Variants in C13orf46 observed in about 807,000 individuals in gnomAD.
C13orf46 encodes the protein chromosome 13 open reading frame 46, also known as uncharacterized protein C13orf46.
chr13:113,958,774 C>A (rs1250997415), intron 6 of C13orf46, among the ~76,000 whole-genome samples: 2 of 152,184 alleles, frequency 1.3e-5, no homozygotes, highest in Non-Finnish European at 2.9e-5. Context: ...AGCGGACTGC[C>A]CAGGGACACT....
chr13:113,935,147 G>GGCCAGTGGCGAGAGGGCCTGGGCTGGCC, the C13orf46 span, among the ~76,000 whole-genome samples: 5 of 152,232 alleles, frequency 3.3e-5, no homozygotes, highest in Admixed American at 3.3e-4. Context: ...ACAGTTTCCT[G>GGCCAGTGGCGAGAGGGCCTGGGCTGGCC]GCCAGTGGCG....
chr13:113,929,478 G>A, the C13orf46 span, among the ~76,000 whole-genome samples: 1 of 152,244 alleles, frequency 6.6e-6, no homozygotes, highest in African/African-American at 2.4e-5. Context: ...GTCATTGCCT[G>A]TTGCTTCTCC....
At chr13:113,936,305 G>A in the C13orf46 span, among the ~76,000 whole-genome samples, 1 of 152,232 alleles carries the variant, frequency 6.6e-6, no homozygotes, top group South Asian at 2.1e-4. Context: ...GCTCTGGGAA[G>A]GGGCCGTCCT....
the C13orf46 span, among the ~76,000 whole-genome samples, chr13:113,939,141 C>T: frequency 7.6e-4 from 110 of 144,652 alleles, no homozygotes; most frequent in African/African-American, 2.7e-3. Flanking sequence ...AGCTCAGGGT[C>T]AGGGACAACA....
chr13:113,963,102 G>A (rs2138984048), intron 6 of C13orf46, among the ~76,000 whole-genome samples: 1 of 152,342 alleles, frequency 6.6e-6, no homozygotes, highest in East Asian at 1.9e-4. Flanking sequence ...GCCGAGGGCT[G>A]CAGCTCTCAA....
downstream of C13orf46, among the ~76,000 whole-genome samples, chr13:113,953,234 C>T (rs2052496504): frequency 6.6e-6 from 1 of 152,204 alleles, no homozygotes. Context: ...GGGCCCAAGC[C>T]AGGTGGCCAC....
At chr13:113,972,664 C>G (rs1566426104) in intron 1 of C13orf46, among the ~76,000 whole-genome samples, 1 of 152,204 alleles carries the variant, frequency 6.6e-6, no homozygotes, top group African/African-American at 2.4e-5. Flanking sequence ...TGGACCGACA[C>G]AGGGGCAGCC....
chr13:113,932,752 C>G, the C13orf46 span, among the ~76,000 whole-genome samples: 4 of 152,142 alleles, frequency 2.6e-5, no homozygotes, highest in Admixed American at 1.3e-4. Context: ...GTAGTTTGAA[C>G]TTTTTGTGTT....
intron 1 of C13orf46, among the ~76,000 whole-genome samples, chr13:113,971,843 C>A (rs774331538): frequency 9.2e-5 from 14 of 152,206 alleles, no homozygotes; most frequent in Admixed American, 3.3e-4. Context: ...CCCTTCTCCT[C>A]GGGTCACAGG....
In C13orf46 at chr13:113,955,130, G is replaced by A. The variant is rs1187828993; in HGVS notation, c.*1643C>T. 18 of 236,300 alleles carry A rather than the reference G, an allele frequency of 7.6e-5. No homozygotes were observed. Among genetic ancestry groups the A allele is most frequent in the Admixed American group, 3.1e-4 (5 of 16,280 alleles). 14.6% of individuals were successfully genotyped at this position (236,300 alleles called of 1,614,324 possible). On this transcript the variant is annotated 3_prime_UTR_variant, in exon 7 of 7. Coordinates refer to ENST00000636427, the MANE Select transcript of C13orf46 (RefSeq NM_001365455.2). The stretch of plus-strand genomic sequence containing the variant: ...GAGAGGAGCAGCAGCTGGTGGAGAC[G>A]AGGAGCATCCGGTGGAGATGAGGAG...
In C13orf46 at chr13:113,954,373, G is replaced by A. The variant is rs2052504458; in HGVS notation, c.*2400C>T. On this transcript the variant is annotated 3_prime_UTR_variant, in exon 7 of 7. Coordinates refer to ENST00000636427, the MANE Select transcript of C13orf46 (RefSeq NM_001365455.2). ...TATGCACGTGTGCGTGTCTGAACGA[G>A]AGGGCTCTGGGTGGATTCTGGTGAA... is the stretch of plus-strand genomic sequence containing the variant. 1 of 152,660 alleles carries A rather than the reference G, an allele frequency of 6.6e-6. No individual in the cohort carries two copies. Among genetic ancestry groups the A allele is most frequent in the East Asian group, 1.9e-4 (1 of 5,190 alleles). 9.5% of individuals were successfully genotyped at this position (152,660 alleles called of 1,614,324 possible).
At chr13:113,930,033 T>A in the C13orf46 span, among the ~76,000 whole-genome samples, 1 of 152,214 alleles carries the variant, frequency 6.6e-6, no homozygotes, top group Non-Finnish European at 1.5e-5. Flanking sequence ...TCTGGACGGA[T>A]GTCTCTGGTG....
At chr13:113,931,983 CCTTT>C in the C13orf46 span, among the ~76,000 whole-genome samples, 4 of 152,074 alleles carry the variant, frequency 2.6e-5, no homozygotes, top group African/African-American at 4.8e-5. Context: ...ATGACACTGA[CCTTT>C]CTGTCACTGT....
intron 1 of C13orf46, among the ~76,000 whole-genome samples, chr13:113,972,581 G>A (rs796931018): frequency 2.0e-5 from 3 of 152,286 alleles, no homozygotes; most frequent in African/African-American, 7.2e-5. Flanking sequence ...GTGAGGAGGT[G>A]ACTGCAGCAC....
chr13:113,951,082 G>A (rs891861645), downstream of C13orf46, among the ~76,000 whole-genome samples: 2 of 152,250 alleles, frequency 1.3e-5, no homozygotes, highest in African/African-American at 4.8e-5. Context: ...GCTGAGGCCT[G>A]TGGGGCCCTC....
the C13orf46 span, among the ~76,000 whole-genome samples, chr13:113,929,944 G>A: frequency 1.9e-3 from 296 of 152,356 alleles, no homozygotes; most frequent in African/African-American, 7.0e-3. Flanking sequence ...GGGGATCTGC[G>A]TTCTTGCCAG....
intron 6 of C13orf46, among the ~76,000 whole-genome samples, chr13:113,963,214 T>TGTCCTCAGCCTCAGCCC (rs2052602010): frequency 7.0e-6 from 1 of 142,826 alleles, no homozygotes; most frequent in Non-Finnish European, 1.5e-5. Context: ...GCCTTGCCCC[T>TGTCCTCAGCCTCAGCCC]GTCCTCAGCC....
At chr13:113,939,609 G>A in the C13orf46 span, among the ~76,000 whole-genome samples, 1 of 152,206 alleles carries the variant, frequency 6.6e-6, no homozygotes, top group Non-Finnish European at 1.5e-5. Context: ...CTCCTCCTGG[G>A]CTTTGGGCTG....
the C13orf46 span, among the ~76,000 whole-genome samples, chr13:113,946,644 G>T: frequency 1.3e-5 from 2 of 152,250 alleles, no homozygotes; most frequent in African/African-American, 2.4e-5. Flanking sequence ...GGAGCAGAAC[G>T]GGGCCGCAGA....
Sources: allele counts gnomAD v4.1 joint callset (sites outside exome capture counted in the v4.1 genomes callset), GRCh38; gene constraint gnomAD v4.1.1; transcripts MANE v1.5; gene names NCBI Gene and HGNC (gene_info 2026-07-23, HGNC 2026-07-21).